The following ZNF385D variants were observed in gnomAD, a reference collection of about 807,000 sequenced individuals.
The protein encoded by ZNF385D is zinc finger protein 659.
Under a neutral mutation model 35.8 loss-of-function variants are expected in ZNF385D, and 15 were observed. The observed-to-expected ratio is 0.42, with a 90% CI of 0.28 to 0.64. ZNF385D has a LOEUF of 0.64. ZNF385D is among the 30% of genes least tolerant of loss of function. The probability of loss-of-function intolerance (pLI) is 0.23; values close to 1 mark genes in which losing one functional copy is unlikely to be tolerated. For synonymous variants in ZNF385D, 212 were observed against 186.8 expected, an observed-to-expected ratio of 1.13 and a Z score of -1.10; for missense variants, 474 against 494.6, an observed-to-expected ratio of 0.96 and a Z score of 0.39.
chr3:21,951,077 G>A (rs1702043863), intron 3 of ZNF385D, among the ~76,000 whole-genome samples: 1 of 151,580 alleles, frequency 6.6e-6, no homozygotes, highest in African/African-American at 2.4e-5. Context: ...TTCTAATTCT[G>A]TGAAGAAAGT....
intron 3 of ZNF385D, among the ~76,000 whole-genome samples, chr3:21,982,636 G>T (rs1694540125): frequency 6.6e-6 from 1 of 152,092 alleles, no homozygotes; most frequent in Non-Finnish European, 1.5e-5. Flanking sequence ...CAAAAGTGGT[G>T]ACAGACAGCA....
intron 3 of ZNF385D, among the ~76,000 whole-genome samples, chr3:22,088,295 G>A (rs1701148877): frequency 2.0e-5 from 3 of 152,186 alleles, no homozygotes; most frequent in Admixed American, 2.0e-4. Context: ...TAAAACATGA[G>A]AGGGCTCTAA....
intron 3 of ZNF385D, among the ~76,000 whole-genome samples, chr3:22,048,643 T>C (rs1296634937): frequency 1.3e-5 from 2 of 152,216 alleles, no homozygotes; most frequent in African/African-American, 4.8e-5. Flanking sequence ...TTTTGATTAT[T>C]ATAGTTTTGC....
At chr3:22,179,595 T>C (rs1007529032) in intron 2 of ZNF385D, among the ~76,000 whole-genome samples, 2 of 152,234 alleles carry the variant, frequency 1.3e-5, no homozygotes, top group Admixed American at 6.5e-5. Flanking sequence ...TCCTGCCTGA[T>C]TGCCCTGGCC....
rs184076918 is a variant in ZNF385D at position 22,352,773 on chromosome 3, C to T, written c.106+19677G>A. ...GGAGGCATACATAGTTCTCCACAAA[C>T]AACTATTACGTGTTTTCTGTTCAAG... On this transcript the variant is annotated intron_variant, in intron 2 of 5. Transcript: ENST00000494108. Among the ~76,000 whole-genome samples the T allele has an allele frequency of 2.6e-3, 403 of 152,284 alleles. 1 individual carries two copies. Among genetic ancestry groups the T allele is most frequent in the Middle Eastern group, 6.8e-3 (2 of 294 alleles).
At position 21,965,089 on chromosome 3, in the gene ZNF385D, A is replaced by C. The variant is rs532383485; in HGVS notation, c.325+203728T>G. 2.9e-4 allele frequency among the ~76,000 whole-genome samples: 44 copies of C among 152,278 alleles called. 1 individual carries two copies. In the East Asian group the frequency reaches 8.3e-3, roughly 29 times the overall value. The stretch of plus-strand genomic sequence containing the variant: ...AATGCCTGGAAGATTGAAAAATTTT[A>C]GAGACTGAACACAGTATGAAGAGAA... On this transcript the variant is annotated intron_variant, in intron 3 of 5. Transcript: ENST00000494108.
intron 3 of ZNF385D, among the ~76,000 whole-genome samples, chr3:22,064,613 AG>A (rs1197851960): frequency 6.6e-6 from 1 of 152,232 alleles, no homozygotes; most frequent in Non-Finnish European, 1.5e-5. Flanking sequence ...ACCTTATAAA[AG>A]GAGGAAATCC....
intron 2 of ZNF385D, among the ~76,000 whole-genome samples, chr3:22,192,932 G>C (rs1401823763): frequency 6.6e-6 from 1 of 152,086 alleles, no homozygotes; most frequent in Non-Finnish European, 1.5e-5. Context: ...CTGAATGTTT[G>C]AGTACCTTGA....
intron 3 of ZNF385D, among the ~76,000 whole-genome samples, chr3:22,097,210 T>C (rs1701679838): frequency 6.6e-6 from 1 of 152,096 alleles, no homozygotes; most frequent in South Asian, 2.1e-4. Context: ...AATATGATTA[T>C]TTTTATTTTA....
chr3:21,751,321 C>A, upstream of ZNF385D: 2 of 1,069,362 alleles, frequency 1.9e-6, no homozygotes, highest in Non-Finnish European at 2.3e-6. Context: ...TCTCGGGAAG[C>A]TTTGACGAGC....
intron 2 of ZNF385D, among the ~76,000 whole-genome samples, chr3:21,635,173 C>A (rs141221800): frequency 1.3e-3 from 199 of 151,930 alleles, no homozygotes; most frequent in African/African-American, 2.9e-3. Flanking sequence ...TTGTGGTTGC[C>A]TAAAAATATA....
chr3:22,030,718 T>C (rs143102556), intron 3 of ZNF385D, among the ~76,000 whole-genome samples: 3 of 152,138 alleles, frequency 2.0e-5, no homozygotes, highest in South Asian at 2.1e-4. Context: ...CTAAATCTCA[T>C]GTCTTTTTCA....
chr3:21,522,392 C>A (rs964827995), intron 3 of ZNF385D, among the ~76,000 whole-genome samples: 2 of 152,096 alleles, frequency 1.3e-5, no homozygotes, highest in African/African-American at 4.8e-5. Flanking sequence ...GGCTAGAGTG[C>A]AATGGCACGA....
chr3:21,980,554 T>C (rs781352888), intron 3 of ZNF385D, among the ~76,000 whole-genome samples: 14 of 152,184 alleles, frequency 9.2e-5, no homozygotes, highest in Admixed American at 3.9e-4. Flanking sequence ...ATCAGCCATA[T>C]GGTTCAACCT....
chr3:21,816,102 A>C (rs1257782821), intron 3 of ZNF385D, among the ~76,000 whole-genome samples: 1 of 152,240 alleles, frequency 6.6e-6, no homozygotes, highest in East Asian at 1.9e-4. Flanking sequence ...CCATAGATGC[A>C]GAAAAGGCCT....
intron 4 of ZNF385D, among the ~76,000 whole-genome samples, chr3:21,496,464 TC>T (rs1302973614): frequency 3.3e-5 from 3 of 91,524 alleles, no homozygotes; most frequent in African/African-American, 1.3e-4. Context: ...GATATATATA[TC>T]ATATATATAC....
intron 1 of ZNF385D, among the ~76,000 whole-genome samples, chr3:21,724,920 C>T (rs571257972): frequency 1.3e-5 from 2 of 152,216 alleles, no homozygotes; most frequent in South Asian, 4.1e-4. Flanking sequence ...TAAAATTGAC[C>T]ACATAATTGG....
intron 3 of ZNF385D, among the ~76,000 whole-genome samples, chr3:22,041,744 A>G (rs6773103): frequency 0.28 from 42,913 of 151,962 alleles, 6,259 homozygotes; most frequent in South Asian, 0.47. Context: ...ACATTATAAG[A>G]GAGATACTGA....
chr3:21,949,133 A>G (rs1346961928), intron 3 of ZNF385D, among the ~76,000 whole-genome samples: 1 of 152,136 alleles, frequency 6.6e-6, no homozygotes, highest in Non-Finnish European at 1.5e-5. Flanking sequence ...AATTCCTTTT[A>G]TCATCTGCTT....
Sources: allele counts gnomAD v4.1 joint callset (sites outside exome capture counted in the v4.1 genomes callset), GRCh38; gene constraint gnomAD v4.1.1; transcripts MANE v1.5; gene names NCBI Gene and HGNC (gene_info 2026-07-23, HGNC 2026-07-21).